The following NRG3 variants were observed in gnomAD, a reference collection of about 807,000 sequenced individuals.
NRG3 encodes pro-neuregulin-3, membrane-bound isoform.
A neutral mutation model predicts 66.9 loss-of-function variants in NRG3; 31 were observed. The observed-to-expected ratio is 0.46, with a 90% CI of 0.35 to 0.63. The LOEUF (loss-of-function observed/expected upper bound fraction) is 0.63. NRG3 is among the 20% of genes least tolerant of loss of function. The pLI is 0.00. For synonymous variants in NRG3, 393 were observed against 359.4 expected (o/e 1.09, Z -1.06); for missense variants, 910 against 878.9 (o/e 1.04, Z -0.45).
At chr10:82,584,349 G>A (rs1387917916) in intron 2 of NRG3, among the ~76,000 whole-genome samples, 2 of 152,118 alleles carry the variant, frequency 1.3e-5, no homozygotes, top group Non-Finnish European at 2.9e-5. Context: ...GCCTCCCAAA[G>A]TGCTGGGATT....
rs148586971 is a variant in NRG3, at chr10:82,625,266, C to G, written c.954-113311C>G. On this transcript the variant is annotated intron_variant, in intron 2 of 8. Coordinates refer to ENST00000372141, the MANE Select transcript of NRG3 (RefSeq NM_001010848.4). ...ATGATATTTAAACATAGCCTATGCA[C>G]TTTTCTATTTCCTACACTGCTTTTA... Among the ~76,000 whole-genome samples, 61 of 152,100 alleles carry G rather than the reference C, an allele frequency of 4.0e-4. 1 individual carries two copies. The East Asian group carries it at 0.012, about 29-fold the overall frequency.
chr10:82,294,735 C>G (rs2079959911), intron 1 of NRG3, among the ~76,000 whole-genome samples: 1 of 152,082 alleles, frequency 6.6e-6, no homozygotes, highest in Admixed American at 6.6e-5. Context: ...TTTTTCCTGT[C>G]TACTCACATT....
chr10:82,593,961 A>G (rs1158664664), intron 2 of NRG3, among the ~76,000 whole-genome samples: 1 of 152,134 alleles, frequency 6.6e-6, no homozygotes, highest in African/African-American at 2.4e-5. Flanking sequence ...AAGAATGTGT[A>G]AAAGCCAGAC....
At chr10:81,891,359 C>G (rs1399591357) in intron 1 of NRG3, among the ~76,000 whole-genome samples, 1 of 152,190 alleles carries the variant, frequency 6.6e-6, no homozygotes, top group Non-Finnish European at 1.5e-5. Flanking sequence ...GCATGGACAG[C>G]AATGTGCTGT....
At chr10:82,039,611 C>T (rs1358573692) in intron 1 of NRG3, among the ~76,000 whole-genome samples, 1 of 152,074 alleles carries the variant, frequency 6.6e-6, no homozygotes, top group East Asian at 1.9e-4. Flanking sequence ...TTACAGTGAA[C>T]TCGTCATTAA....
At chr10:82,495,368 A>C (rs927177097) in intron 2 of NRG3, among the ~76,000 whole-genome samples, 1 of 152,164 alleles carries the variant, frequency 6.6e-6, no homozygotes, top group African/African-American at 2.4e-5. Flanking sequence ...GAAAAGACTA[A>C]GAATTGATTT....
intron 2 of NRG3, among the ~76,000 whole-genome samples, chr10:82,534,537 T>G (rs562831183): frequency 1.3e-5 from 2 of 152,168 alleles, no homozygotes; most frequent in East Asian, 1.9e-4. Flanking sequence ...AGTGCTGGGA[T>G]TACAGGTGTG....
intron 6 of NRG3, among the ~76,000 whole-genome samples, chr10:82,968,203 CA>C (rs1851383004): frequency 6.6e-6 from 1 of 152,120 alleles, no homozygotes; most frequent in South Asian, 2.1e-4. Context: ...TCATGTTCAA[CA>C]AAAATGTATG....
chr10:82,190,393 T>C (rs1356940258), intron 1 of NRG3, among the ~76,000 whole-genome samples: 2 of 152,168 alleles, frequency 1.3e-5, no homozygotes, highest in African/African-American at 4.8e-5. Flanking sequence ...AATAGATAAT[T>C]TAAGTACTTT....
intron 3 of NRG3, among the ~76,000 whole-genome samples, chr10:82,791,303 T>G (rs897312017): frequency 1.3e-5 from 2 of 151,966 alleles, no homozygotes; most frequent in Non-Finnish European, 2.9e-5. Context: ...ATTGCTGTTT[T>G]TTTTTTGGTT....
intron 2 of NRG3, among the ~76,000 whole-genome samples, chr10:82,503,768 A>G (rs1396110272): frequency 6.6e-6 from 1 of 152,164 alleles, no homozygotes; most frequent in Non-Finnish European, 1.5e-5. Context: ...TTAATATCCC[A>G]AATTCCAGGG....
chr10:82,513,957 CAT>C (rs1315376125), intron 2 of NRG3, among the ~76,000 whole-genome samples: 15 of 151,834 alleles, frequency 9.9e-5, no homozygotes, highest in Non-Finnish European at 1.5e-5. Context: ...ACCTTTTTTT[CAT>C]ATGTTTGTTG....
At chr10:82,860,244 G>A (rs982471542) in intron 3 of NRG3, among the ~76,000 whole-genome samples, 5 of 152,154 alleles carry the variant, frequency 3.3e-5, no homozygotes, top group African/African-American at 1.2e-4. Context: ...CCGCTACCTA[G>A]CTTATATTTG....
chr10:82,154,942 A>G (rs2071073495), intron 1 of NRG3, among the ~76,000 whole-genome samples: 1 of 151,756 alleles, frequency 6.6e-6, no homozygotes, highest in South Asian at 2.1e-4. Context: ...CATTCTAACA[A>G]CTTTAGGTGA....
At chr10:82,081,212 C>T (rs2065371302) in intron 1 of NRG3, among the ~76,000 whole-genome samples, 1 of 152,124 alleles carries the variant, frequency 6.6e-6, no homozygotes, top group Non-Finnish European at 1.5e-5. Context: ...AATATGAACT[C>T]AAGGCTTTAG....
In NRG3 at chr10:82,086,293, A is replaced by G. The variant is rs560701661; in HGVS notation, c.823+210130A>G. Among the ~76,000 whole-genome samples the G allele has an allele frequency of 9.9e-5, 15 of 152,210 alleles. No homozygotes were observed. The East Asian group carries it at 2.9e-3, about 30-fold the overall frequency. ...GAGAGTTTTAAAGTAAGTTATCCAT[A>G]TTTTACAGAAAACTTCAAGGATTCT... is the stretch of plus-strand genomic sequence containing the variant. On this transcript the variant is annotated intron_variant, in intron 1 of 8. Coordinates refer to ENST00000372141, the MANE Select transcript of NRG3 (RefSeq NM_001010848.4).
intron 1 of NRG3, among the ~76,000 whole-genome samples, chr10:81,968,502 G>C (rs573145174): frequency 6.6e-6 from 1 of 152,176 alleles, no homozygotes; most frequent in Non-Finnish European, 1.5e-5. Flanking sequence ...CAGCTCTGAC[G>C]TTGGGGGACT....
intron 1 of NRG3, among the ~76,000 whole-genome samples, chr10:82,325,801 C>T (rs1744532032): frequency 2.6e-5 from 4 of 152,162 alleles, no homozygotes; most frequent in Admixed American, 2.0e-4. Context: ...TCACTTCTCT[C>T]TCCCCTCCTC....
intron 1 of NRG3, among the ~76,000 whole-genome samples, chr10:81,883,479 G>A (rs1284898010): frequency 6.6e-6 from 1 of 152,096 alleles, no homozygotes; most frequent in Non-Finnish European, 1.5e-5. Context: ...GTTTAATAAT[G>A]GAAGTTTAGC....
Sources: gnomAD v4.1 joint callset for allele counts (sites outside exome capture counted in the v4.1 genomes callset) on GRCh38, gnomAD v4.1.1 for gene constraint, MANE v1.5 for transcripts, NCBI Gene and HGNC (gene_info 2026-07-23, HGNC 2026-07-21) for gene names.